The following NXPH1 variants were observed in gnomAD, a reference collection of about 807,000 sequenced individuals.
NXPH1 encodes the protein neurexophilin 1.
NXPH1 carries 5 observed loss-of-function variants against 23.7 expected under a neutral mutation model. The observed-to-expected ratio is 0.21, with a 90% confidence interval of 0.11 to 0.44. The LOEUF is 0.44. NXPH1 is among the 20% of genes least tolerant of loss of function. The probability of loss-of-function intolerance (pLI) is 0.99; values close to 1 mark genes in which losing one functional copy is unlikely to be tolerated. For synonymous variants in NXPH1, 144 were observed against 122.2 expected, an observed-to-expected ratio of 1.18 and a Z score of -1.18; for missense variants, 324 against 321.6, an observed-to-expected ratio of 1.01 and a Z score of -0.06.
At chr7:8,636,785 T>G in intron 2 of NXPH1, among the ~76,000 whole-genome samples, 1 of 152,228 alleles carries the variant, frequency 6.6e-6, no homozygotes, top group East Asian at 1.9e-4. Context: ...CTGTTTGGGT[T>G]TCTGAGCTAC....
Position 8,751,876 on chromosome 7 carries a change from T to A in NXPH1, c.*107T>A, listed in dbSNP as rs1233188637. Reference sequence around the variant, plus strand: ...TCTGTTGCCTGGAATGTGTCTACACTGCTGCTCTTGTCAACTGGCTGCAAA... The same window carrying A: ...TCTGTTGCCTGGAATGTGTCTACACAGCTGCTCTTGTCAACTGGCTGCAAA... On this transcript the variant is annotated 3_prime_UTR_variant, in exon 3 of 3. Coordinates refer to ENST00000405863, the MANE Select transcript of NXPH1 (RefSeq NM_152745.3). This position sits in a 1 kb window ranked among gnomAD's most constrained non-coding sequence, Gnocchi z 4.5. 1.9e-6 allele frequency: 2 copies of A among 1,074,790 alleles called. No individual in the cohort carries two copies. The highest frequency in any genetic ancestry group is 2.6e-6 in the Non-Finnish European group (2 of 771,002). The allele number at this position is 1,074,790 out of a possible 1,614,324, so 66.6% of individuals were successfully genotyped here.
chr7:8,435,598 A>T lies in NXPH1; in HGVS notation c.-110-6A>T. The T allele has an allele frequency of 1.1e-6, 1 of 919,376 alleles. No individual in the cohort carries two copies. The allele number at this position is 919,376 out of a possible 1,614,324, so 57.0% of individuals were successfully genotyped here. ...TCATGGGATGTCTAATTTTATTTGCATCTAGGCTGCTGAGAGCGCTCCTTG... is the reference window on the plus strand; with the variant it reads ...TCATGGGATGTCTAATTTTATTTGCTTCTAGGCTGCTGAGAGCGCTCCTTG... On this transcript the variant is annotated splice_region_variant and splice_polypyrimidine_tract_variant and intron_variant, in intron 1 of 2. Coordinates refer to ENST00000405863, the MANE Select transcript of NXPH1 (RefSeq NM_152745.3). The surrounding 1 kb of genome is among the most constrained non-coding windows in gnomAD (Gnocchi z 5.9).
At chr7:8,535,503 C>G (rs1818013491) in intron 2 of NXPH1, among the ~76,000 whole-genome samples, 1 of 151,412 alleles carries the variant, frequency 6.6e-6, no homozygotes, top group Non-Finnish European at 1.5e-5. Context: ...GTCTTGGTGA[C>G]TGGGATTAAT....
At chr7:8,534,017 AC>A (rs1817989690) in intron 2 of NXPH1, among the ~76,000 whole-genome samples, 1 of 152,194 alleles carries the variant, frequency 6.6e-6, no homozygotes, top group Non-Finnish European at 1.5e-5. Context: ...CCAAATGTTA[AC>A]AACATATTGT....
At chr7:8,554,458 T>A (rs868230271) in intron 2 of NXPH1, among the ~76,000 whole-genome samples, 1 of 151,648 alleles carries the variant, frequency 6.6e-6, no homozygotes, top group Non-Finnish European at 1.5e-5. Context: ...TACATGTTTT[T>A]GGGTGTATGT....
At chr7:8,490,892 G>A (rs1207996482) in intron 2 of NXPH1, among the ~76,000 whole-genome samples, 1 of 152,018 alleles carries the variant, frequency 6.6e-6, no homozygotes, top group African/African-American at 2.4e-5. Context: ...TCTGGTGTTT[G>A]TGATTAAATA....
intron 2 of NXPH1, among the ~76,000 whole-genome samples, chr7:8,741,085 C>G (rs553786147): frequency 3.9e-5 from 6 of 152,298 alleles, no homozygotes; most frequent in Admixed American, 3.3e-4. Context: ...AAATACCAGT[C>G]TACTTCCTGT....
intron 2 of NXPH1, among the ~76,000 whole-genome samples, chr7:8,642,843 C>T (rs984506460): frequency 6.6e-6 from 1 of 151,826 alleles, no homozygotes; most frequent in Non-Finnish European, 1.5e-5. Flanking sequence ...GATGTCTGGG[C>T]ATATACTTTT....
At chr7:8,633,835 G>A (rs12536792) in intron 2 of NXPH1, among the ~76,000 whole-genome samples, 3 of 152,080 alleles carry the variant, frequency 2.0e-5, no homozygotes, top group African/African-American at 4.8e-5. Flanking sequence ...CGGAAGGAAG[G>A]TTCTTGTCAG....
intron 2 of NXPH1, among the ~76,000 whole-genome samples, chr7:8,527,244 C>T (rs773907591): frequency 7.9e-5 from 12 of 152,278 alleles, no homozygotes; most frequent in East Asian, 1.9e-4. Context: ...CAAGGAACCA[C>T]GTAGTGACGT....
At position 8,751,801 on chromosome 7, in the gene NXPH1, G is replaced by T. The variant is rs556554313; in HGVS notation, c.*32G>T. 1 of 1,568,306 alleles carries T rather than the reference G, an allele frequency of 6.4e-7. No homozygotes were observed. The highest frequency in any genetic ancestry group is 1.2e-5 in the South Asian group (1 of 84,720). On this transcript the variant is annotated 3_prime_UTR_variant, in exon 3 of 3. Coordinates refer to ENST00000405863, the MANE Select transcript of NXPH1 (RefSeq NM_152745.3). The surrounding 1 kb of genome is among the most constrained non-coding windows in gnomAD (Gnocchi z 4.5). ...ACATGGGGGTGAGACTGAAGCCTGA[G>T]GAATTAAAGGTCATATGACAGGGCT...
At chr7:8,460,714 A>G (rs2128606761) in intron 2 of NXPH1, among the ~76,000 whole-genome samples, 1 of 152,320 alleles carries the variant, frequency 6.6e-6, no homozygotes, top group African/African-American at 2.4e-5. Flanking sequence ...GCTTAATGGA[A>G]AGTAGAAAGA....
At position 8,601,237 on chromosome 7, in the gene NXPH1, G is replaced by GT. The variant is rs111640265; in HGVS notation, c.55-149761dup. ...TTAGTTACTATCATTTCTCTTTTCTGTTTTTTTTTTAAATCCCATTAAAGG... is the reference window on the plus strand; with the variant it reads ...TTAGTTACTATCATTTCTCTTTTCTGTTTTTTTTTTTAAATCCCATTAAAGG... On this transcript the variant is annotated intron_variant, in intron 2 of 2. Transcript: ENST00000405863. Among the ~76,000 whole-genome samples the GT allele has an allele frequency of 1.1e-3, 158 of 146,840 alleles. 3 individuals carry two copies. In the South Asian group the frequency reaches 0.013, roughly 12 times the overall value.
intron 2 of NXPH1, among the ~76,000 whole-genome samples, chr7:8,653,242 C>T (rs16874028): frequency 0.021 from 3,174 of 150,862 alleles, 122 homozygotes; most frequent in African/African-American, 0.075. Flanking sequence ...TAAAAATAAA[C>T]GTTCCTAAAT....
intron 2 of NXPH1, among the ~76,000 whole-genome samples, chr7:8,731,246 A>T (rs1780148206): frequency 6.6e-6 from 1 of 151,512 alleles, no homozygotes; most frequent in South Asian, 2.1e-4. Context: ...ATTCTTCTAA[A>T]TTTTTTTCGA....
intron 2 of NXPH1, among the ~76,000 whole-genome samples, chr7:8,606,326 G>T (rs753694968): frequency 5.9e-5 from 9 of 151,932 alleles, no homozygotes; most frequent in Non-Finnish European, 1.3e-4. Flanking sequence ...CCCACCCTAC[G>T]TAACCCCTAA....
intron 2 of NXPH1, among the ~76,000 whole-genome samples, chr7:8,452,126 C>A (rs1327770665): frequency 6.6e-6 from 1 of 152,222 alleles, no homozygotes; most frequent in Non-Finnish European, 1.5e-5. Flanking sequence ...GGAAATGGAA[C>A]TTTGTCAGTG....
intron 2 of NXPH1, among the ~76,000 whole-genome samples, chr7:8,656,479 C>T (rs1820583411): frequency 6.7e-6 from 1 of 148,854 alleles, no homozygotes; most frequent in Non-Finnish European, 1.5e-5. Flanking sequence ...TTACTAAAAT[C>T]GGATAACTCA....
At chr7:8,467,652 T>A (rs978505085) in intron 2 of NXPH1, among the ~76,000 whole-genome samples, 4 of 152,296 alleles carry the variant, frequency 2.6e-5, no homozygotes, top group Non-Finnish European at 4.4e-5. Flanking sequence ...TGTTGCATTT[T>A]GGGTCTAGCA....
Sources: allele counts gnomAD v4.1 joint callset (sites outside exome capture counted in the v4.1 genomes callset), GRCh38; gene constraint gnomAD v4.1.1; non-coding constraint Gnocchi (gnomAD v3.1); transcripts MANE v1.5; gene names NCBI Gene and HGNC (gene_info 2026-07-23, HGNC 2026-07-21).